The following IFT25 variants were observed in gnomAD, a reference collection of about 807,000 sequenced individuals.
IFT25 encodes intraflagellar transport protein 25 homolog.
the IFT25 span, chr1:53,928,924 T>C: frequency 2.0e-5 from 3 of 153,818 alleles, no homozygotes; most frequent in Non-Finnish European, 2.9e-5. Context: ...ATTCAAACTT[T>C]AGGTATGACT....
At chr1:53,944,974 G>A in the IFT25 span, among the ~76,000 whole-genome samples, 2 of 152,010 alleles carry the variant, frequency 1.3e-5, no homozygotes, top group African/African-American at 2.4e-5. Context: ...GACTCCTCAC[G>A]CTCTTTCTTC....
chr1:53,933,490 T>C, the IFT25 span, among the ~76,000 whole-genome samples: 1 of 152,214 alleles, frequency 6.6e-6, no homozygotes, highest in Non-Finnish European at 1.5e-5. Flanking sequence ...CCTTTGTCTC[T>C]GGTAATACTC....
chr1:53,924,310 A>G, the IFT25 span, among the ~76,000 whole-genome samples: 1 of 152,210 alleles, frequency 6.6e-6, no homozygotes, highest in Non-Finnish European at 1.5e-5. Flanking sequence ...GGATCCAGCT[A>G]CTAACAGAAA....
chr1:53,925,621 C>T, the IFT25 span, among the ~76,000 whole-genome samples: 2 of 149,964 alleles, frequency 1.3e-5, no homozygotes, highest in Admixed American at 6.7e-5. Flanking sequence ...GCCGAGATCA[C>T]GCCACTGCAC....
the IFT25 span, chr1:53,923,633 T>C: frequency 3.8e-5 from 13 of 339,502 alleles, no homozygotes; most frequent in African/African-American, 2.6e-4. Context: ...GCAAACCAAA[T>C]AAATACTTCA....
chr1:53,916,121 G>A, the IFT25 span, among the ~76,000 whole-genome samples: 315 of 151,536 alleles, frequency 2.1e-3, 1 homozygote, highest in African/African-American at 7.3e-3. Context: ...GGAGGTCAAG[G>A]CTGCTGTGAG....
chr1:53,936,014 C>G, the IFT25 span, among the ~76,000 whole-genome samples: 1 of 151,970 alleles, frequency 6.6e-6, no homozygotes, highest in Admixed American at 6.5e-5. Context: ...GTAATCCCAG[C>G]ACTTTGGGAG....
chr1:53,925,646 T>C, the IFT25 span, among the ~76,000 whole-genome samples: 6 of 131,436 alleles, frequency 4.6e-5, no homozygotes, highest in Admixed American at 7.9e-5. Context: ...GCCTGAGCAA[T>C]AGAGTGAGAC....
the IFT25 span, among the ~76,000 whole-genome samples, chr1:53,934,202 T>C: frequency 6.6e-6 from 1 of 152,196 alleles, no homozygotes; most frequent in South Asian, 2.1e-4. Context: ...GCAGGTCTAC[T>C]TGTGATGAAA....
chr1:53,913,063 ACT>A, the IFT25 span, among the ~76,000 whole-genome samples: 1 of 152,036 alleles, frequency 6.6e-6, no homozygotes, highest in Non-Finnish European at 1.5e-5. Context: ...TCACAGATGC[ACT>A]CTTTCCTGAG....
At chr1:53,912,094 T>C in the IFT25 span, among the ~76,000 whole-genome samples, 1 of 152,106 alleles carries the variant, frequency 6.6e-6, no homozygotes, top group Non-Finnish European at 1.5e-5. Context: ...GTGACAATGA[T>C]GGGACTGAAG....
chr1:53,915,176 T>C, the IFT25 span, among the ~76,000 whole-genome samples: 1 of 152,152 alleles, frequency 6.6e-6, no homozygotes, highest in Non-Finnish European at 1.5e-5. Flanking sequence ...TTCTTGAGAA[T>C]ATATGTGCCA....
chr1:53,926,857 C>T, the IFT25 span, among the ~76,000 whole-genome samples: 1,367 of 151,918 alleles, frequency 9.0e-3, 23 homozygotes, highest in African/African-American at 0.031. Flanking sequence ...CAAGTAGCTA[C>T]GATTACAGGC....
chr1:53,929,911 G>GT, the IFT25 span: 16 of 1,336,782 alleles, frequency 1.2e-5, no homozygotes, highest in Non-Finnish European at 1.5e-5. Flanking sequence ...AAAAACTAGT[G>GT]TTTTGCCAAA....
chr1:53,921,884 A>G, the IFT25 span: 3 of 660,586 alleles, frequency 4.5e-6, no homozygotes, highest in South Asian at 3.6e-5. Flanking sequence ...ATAACAACAC[A>G]TAAGGCCAGC....
At chr1:53,939,164 C>T in the IFT25 span, among the ~76,000 whole-genome samples, 5 of 149,658 alleles carry the variant, frequency 3.3e-5, no homozygotes, top group South Asian at 2.1e-4. Context: ...GGCTAAGGTG[C>T]GCGGATCACA....
At chr1:53,945,698 C>G in the IFT25 span, 2 of 151,630 alleles carry the variant, frequency 1.3e-5, no homozygotes, top group Admixed American at 6.6e-5. Flanking sequence ...CGCTCCAACT[C>G]TGAAATCTTC....
At chr1:53,911,662 A>G in the IFT25 span, among the ~76,000 whole-genome samples, 4 of 152,228 alleles carry the variant, frequency 2.6e-5, no homozygotes, top group African/African-American at 9.6e-5. Context: ...ATCAAGGCTC[A>G]GAGAGTTAAG....
chr1:53,928,464 A>G, the IFT25 span: 4 of 1,553,626 alleles, frequency 2.6e-6, no homozygotes, highest in Middle Eastern at 1.7e-4. Flanking sequence ...CAAAGTAAGT[A>G]AAGTGTTAAT....
Sources: gnomAD v4.1 joint callset for allele counts (sites outside exome capture counted in the v4.1 genomes callset) on GRCh38, gnomAD v4.1.1 for gene constraint, MANE v1.5 for transcripts, NCBI Gene and HGNC (gene_info 2026-07-23, HGNC 2026-07-21) for gene names.